The following ZHX2 variants were observed in gnomAD, a reference collection of about 807,000 sequenced individuals.
The protein encoded by ZHX2 is zinc fingers and homeoboxes 2, also known as zinc fingers and homeoboxes protein 2.
In ZHX2, 6 loss-of-function variants were observed where a neutral mutation model predicts 21.9. The ratio of observed to expected loss-of-function variants is 0.27; its 90% confidence interval spans 0.15 to 0.54. The LOEUF is 0.54. Ranked by LOEUF, ZHX2 falls within the 20% of genes least tolerant of loss-of-function variation. The pLI is 0.95. For missense variants in ZHX2, 908 were observed against 1,090.7 expected (o/e 0.83, Z 2.36); for synonymous variants, 434 against 437.1 (o/e 0.99, Z 0.09).
intron 1 of ZHX2, among the ~76,000 whole-genome samples, chr8:122,846,791 C>T (rs1818760611): frequency 1.3e-5 from 2 of 152,038 alleles, no homozygotes; most frequent in African/African-American, 4.8e-5. Context: ...TCAACACCAA[C>T]AATAGGCATT....
At chr8:122,969,169 AAGAG>A (rs959135816) in intron 3 of ZHX2, among the ~76,000 whole-genome samples, 11 of 149,668 alleles carry the variant, frequency 7.3e-5, no homozygotes, top group Non-Finnish European at 1.3e-4. Flanking sequence ...TCAAAAAAAA[AAGAG>A]AGAGAGAGAA....
chr8:122,838,784 C>T (rs1818561472), intron 1 of ZHX2, among the ~76,000 whole-genome samples: 1 of 151,988 alleles, frequency 6.6e-6, no homozygotes, highest in Non-Finnish European at 1.5e-5. Flanking sequence ...CACCTGTTGG[C>T]CAGGCTGGTC....
chr8:122,848,681 T>G (rs761624457), intron 1 of ZHX2, among the ~76,000 whole-genome samples: 1 of 152,182 alleles, frequency 6.6e-6, no homozygotes, highest in Admixed American at 6.5e-5. Context: ...TATTTGCTTT[T>G]CATCCAGTAA....
intron 2 of ZHX2, among the ~76,000 whole-genome samples, chr8:122,927,419 C>T (rs1190478675): frequency 1.3e-5 from 2 of 152,094 alleles, no homozygotes; most frequent in African/African-American, 4.8e-5. Flanking sequence ...CACTTGAACC[C>T]GGGAGGCAGA....
chr8:122,823,708 A>G (rs189388032), intron 1 of ZHX2, among the ~76,000 whole-genome samples: 1 of 152,310 alleles, frequency 6.6e-6, no homozygotes, highest in Admixed American at 6.5e-5. Flanking sequence ...GGAAATGCAT[A>G]CTGATCTAAT....
chr8:122,864,467 A>G (rs1363914240), intron 2 of ZHX2, among the ~76,000 whole-genome samples: 4 of 151,894 alleles, frequency 2.6e-5, no homozygotes, highest in African/African-American at 7.2e-5. Flanking sequence ...CCAGGGGGCA[A>G]CTCTCAAAGC....
At chr8:122,890,839 A>G (rs1184248819) in intron 2 of ZHX2, among the ~76,000 whole-genome samples, 1 of 152,128 alleles carries the variant, frequency 6.6e-6, no homozygotes, top group Non-Finnish European at 1.5e-5. Context: ...TTCATTTGTC[A>G]TTTCTAAGAG....
chr8:122,913,744 G>T (rs1324708437), intron 2 of ZHX2, among the ~76,000 whole-genome samples: 18 of 152,178 alleles, frequency 1.2e-4, no homozygotes. Context: ...CACCCTCCTT[G>T]ACCACAGAGC....
At chr8:122,968,523 G>T (rs1435023855) in intron 3 of ZHX2, among the ~76,000 whole-genome samples, 1 of 152,128 alleles carries the variant, frequency 6.6e-6, no homozygotes, top group African/African-American at 2.4e-5. Context: ...CTCAATAAAA[G>T]AAATGAAAGT....
At chr8:122,858,890 C>T (rs1026805806) in intron 1 of ZHX2, among the ~76,000 whole-genome samples, 2 of 152,312 alleles carry the variant, frequency 1.3e-5, no homozygotes, top group African/African-American at 2.4e-5. Flanking sequence ...ATCTGCCCAC[C>T]TTGGCCTCCC....
At chr8:122,919,141 A>T (rs1490424370) in intron 2 of ZHX2, among the ~76,000 whole-genome samples, 3 of 152,070 alleles carry the variant, frequency 2.0e-5, no homozygotes, top group African/African-American at 7.2e-5. Flanking sequence ...CCCCACCATC[A>T]GCACAGCACT....
rs544329288 is a variant in ZHX2, at chr8:122,858,728, T to C, written c.-282-4749T>C. 9.6e-5 allele frequency among the ~76,000 whole-genome samples: 14 copies of C among 145,342 alleles called. No individual in the cohort carries two copies. The East Asian group carries it at 3.1e-3, about 33-fold the overall frequency. On this transcript the variant is annotated intron_variant, in intron 1 of 3. Coordinates refer to ENST00000314393, the MANE Select transcript of ZHX2 (RefSeq NM_014943.5). ...CGATCTTGGCTCACTGCAACCTCCA[T>C]CTCCCAGGCTCAAGCAATTCTCCTG... is the stretch of plus-strand genomic sequence containing the variant.
In ZHX2 at chr8:122,953,202, G is replaced by A; in HGVS notation, c.1692G>A (p.Val564=). 3.1e-6 allele frequency: 5 copies of A among 1,613,900 alleles called. No individual in the cohort carries two copies. The highest frequency in any genetic ancestry group is 2.2e-5 in the East Asian group (1 of 44,834). ...PTQAELDRLR[V]ETKLSRREID... ...AAGCAGAACTGGATCGGCTAAGGGTGGAGACCAAGCTGAGCAGGAGAGAGA... is the reference window on the plus strand; with the variant it reads ...AAGCAGAACTGGATCGGCTAAGGGTAGAGACCAAGCTGAGCAGGAGAGAGA... Residue 564 remains valine, a synonymous_variant, in exon 3 of 4, where the codon GTG becomes GTA. Transcript: ENST00000314393. This position sits in a 1 kb window ranked among gnomAD's most constrained non-coding sequence, Gnocchi z 4.6.
intron 2 of ZHX2, among the ~76,000 whole-genome samples, chr8:122,876,285 C>T (rs932603907): frequency 2.0e-5 from 3 of 152,144 alleles, no homozygotes; most frequent in Admixed American, 1.3e-4. Context: ...GAGGGAAGCT[C>T]ATTAAATAGT....
In ZHX2 at chr8:122,848,225, T is replaced by C. The variant is rs114848271; in HGVS notation, c.-282-15252T>C. 8.2e-3 allele frequency among the ~76,000 whole-genome samples: 1,244 copies of C among 152,268 alleles called. 12 individuals carry two copies. The highest frequency in any genetic ancestry group is 0.024 in the Middle Eastern group (7 of 294). ...GTGTTGTTGCGTCTCTGTGTGTGTGTGCGCCTGAAAGAGAGAAGGGTCTCC... is the reference window on the plus strand; with the variant it reads ...GTGTTGTTGCGTCTCTGTGTGTGTGCGCGCCTGAAAGAGAGAAGGGTCTCC... On this transcript the variant is annotated intron_variant, in intron 1 of 3. Coordinates refer to ENST00000314393, the MANE Select transcript of ZHX2 (RefSeq NM_014943.5).
At position 122,952,738 on chromosome 8, in the gene ZHX2, G is replaced by A. The variant is rs749687955; in HGVS notation, c.1228G>A (p.Val410Met). Residue 410 changes from valine (V) to methionine (M), a missense_variant, in exon 3 of 4, where the codon GTG becomes ATG. Val to Met is a conservative substitution (Grantham distance 21, BLOSUM62 1). This residue lies in a region of ZHX2 where 232 missense variants were observed against 361.8 expected (regional missense o/e 0.64). Transcript: ENST00000314393. This position sits in a 1 kb window ranked among gnomAD's most constrained non-coding sequence, Gnocchi z 6.9. The stretch of plus-strand genomic sequence containing the variant: ...CAACCATGGCCAGAAGAGACCCTTG[G>A]TGACTCCCCAAGCTGCCCCCGAACC... ...VTNHGQKRPLVTPQAAPEPKR... is the reference protein window; with the variant it reads ...VTNHGQKRPLMTPQAAPEPKR... 8.7e-6 allele frequency: 14 copies of A among 1,614,064 alleles called. No homozygotes were observed. In the South Asian group the frequency reaches 1.3e-4, roughly 15 times the overall value.
intron 2 of ZHX2, among the ~76,000 whole-genome samples, chr8:122,911,904 G>C (rs1820489581): frequency 6.6e-6 from 1 of 152,142 alleles, no homozygotes; most frequent in Non-Finnish European, 1.5e-5. Flanking sequence ...GTGGGAGTGA[G>C]CCACCTTTTA....
chr8:122,885,357 G>A (rs1563768008), intron 2 of ZHX2, among the ~76,000 whole-genome samples: 2 of 152,222 alleles, frequency 1.3e-5, no homozygotes, highest in East Asian at 3.8e-4. Flanking sequence ...CAGTCTGCAT[G>A]CATCAGCATT....
In ZHX2 at chr8:122,879,395, T is replaced by C. The variant is rs1277691285; in HGVS notation, c.-220+15856T>C. On this transcript the variant is annotated intron_variant, in intron 2 of 3. Transcript: ENST00000314393. ...CTAACTTTTGTATTTTTAGTAGAGA[T>C]GGGGTTTCACCATGTTGGCCAGGAT... Among the ~76,000 whole-genome samples, 9 of 151,938 alleles carry C rather than the reference T, an allele frequency of 5.9e-5. 1 individual carries two copies. The highest frequency in any genetic ancestry group is 4.1e-4 in the South Asian group (2 of 4,820).
Sources: gnomAD v4.1 joint callset for allele counts (sites outside exome capture counted in the v4.1 genomes callset) on GRCh38, gnomAD v4.1.1 for gene constraint, gnomAD v4.1.1 regional missense constraint, Gnocchi (gnomAD v3.1) non-coding constraint, MANE v1.5 for transcripts, NCBI Gene and HGNC (gene_info 2026-07-23, HGNC 2026-07-21) for gene names.